GFOD2: variants seen among roughly 807,000 people sequenced by gnomAD.
The protein encoded by GFOD2 is glucose-fructose oxidoreductase domain-containing protein 2.
Under a neutral mutation model 24.6 loss-of-function variants are expected in GFOD2, and 9 were observed. The observed-to-expected ratio is 0.37, with a 90% CI of 0.22 to 0.64. The LOEUF is 0.64. Among genes scored for constraint, GFOD2 ranks in the 30% least tolerant of loss-of-function variants. The pLI is 0.65. For synonymous variants in GFOD2, 211 were observed against 224.8 expected (o/e 0.94, Z 0.55); for missense variants, 476 against 532.5 (o/e 0.89, Z 1.04).
intron 1 of GFOD2, among the ~76,000 whole-genome samples, chr16:67,706,757 C>A (rs1303452420): frequency 6.6e-6 from 1 of 151,960 alleles, no homozygotes. Context: ...AAAATGCAAG[C>A]CACAGGTTGG....
rs150061779 is a variant in GFOD2, at chr16:67,675,315, G to A, written c.998C>T (p.Ser333Phe). Residue 333 changes from serine (S) to phenylalanine (F), a missense_variant, in exon 3 of 3, where the codon TCC becomes TTC. Coordinates refer to ENST00000268797, the MANE Select transcript of GFOD2 (RefSeq NM_030819.4). The part of the protein sequence containing the change: ...DRRTWDRTPV[S>F]MAASFEDGLY... ...CCCATCCTCGAAGGAGGCGGCCATGGAGACAGGGGTGCGGTCCCAGGTGCG... is the reference window on the plus strand; with the variant it reads ...CCCATCCTCGAAGGAGGCGGCCATGAAGACAGGGGTGCGGTCCCAGGTGCG... 448 of 1,613,008 alleles carry A rather than the reference G, an allele frequency of 2.8e-4. 1 individual carries two copies. Among genetic ancestry groups the A allele is most frequent in the Non-Finnish European group, 3.2e-4 (381 of 1,180,026 alleles).
chr16:67,702,305 C>T (rs1013402903), intron 1 of GFOD2, among the ~76,000 whole-genome samples: 4 of 151,986 alleles, frequency 2.6e-5, no homozygotes, highest in Non-Finnish European at 5.9e-5. Flanking sequence ...GAAACACTGT[C>T]TCTGCTAAAA....
intron 2 of GFOD2, chr16:67,682,434 G>A (rs754964145): frequency 7.1e-6 from 7 of 985,286 alleles, no homozygotes; most frequent in Non-Finnish European, 8.4e-6. Flanking sequence ...TTCAACTGTG[G>A]CAAAGATGCT....
intron 1 of GFOD2, among the ~76,000 whole-genome samples, chr16:67,701,218 T>C (rs138643119): frequency 1.3e-5 from 2 of 152,242 alleles, no homozygotes; most frequent in East Asian, 1.9e-4. Flanking sequence ...GCTAAATAGA[T>C]ACCTATCACA....
At chr16:67,683,626 A>C in intron 2 of GFOD2, 1 of 1,231,762 alleles carries the variant, frequency 8.1e-7, no homozygotes, top group South Asian at 4.1e-5. Context: ...ACTTGCTCCA[A>C]ATTGACAACC....
At position 67,679,878 on chromosome 16, in the gene GFOD2, C is replaced by A. The variant is rs185490712; in HGVS notation, c.260-3825G>T. 2.7e-3 allele frequency among the ~76,000 whole-genome samples: 402 copies of A among 150,332 alleles called. 3 individuals carry two copies. Among genetic ancestry groups the A allele is most frequent in the African/African-American group, 9.4e-3 (385 of 40,830 alleles). On this transcript the variant is annotated intron_variant, in intron 2 of 2. Transcript: ENST00000268797. ...CTCCAGCCTGGGCGACAGAGCGAGACTTCGTCTCAAAAAAAAAAAAACAAC... is the reference window on the plus strand; with the variant it reads ...CTCCAGCCTGGGCGACAGAGCGAGAATTCGTCTCAAAAAAAAAAAAACAAC...
chr16:67,715,664 T>C (rs1056645243), intron 1 of GFOD2, among the ~76,000 whole-genome samples: 1 of 152,212 alleles, frequency 6.6e-6, no homozygotes, highest in Non-Finnish European at 1.5e-5. Flanking sequence ...AGTTTGCTAA[T>C]ATAAATCTAC....
intron 1 of GFOD2, among the ~76,000 whole-genome samples, chr16:67,699,230 T>C (rs1469616588): frequency 6.6e-6 from 1 of 151,990 alleles, no homozygotes; most frequent in Non-Finnish European, 1.5e-5. Context: ...TAGTCCCAGC[T>C]ACCCAGGAGG....
chr16:67,690,319 T>G (rs867521060), intron 1 of GFOD2, among the ~76,000 whole-genome samples: 21 of 152,298 alleles, frequency 1.4e-4, no homozygotes, highest in Middle Eastern at 3.4e-3. Context: ...TTTCTCCACG[T>G]CCTCACCAAC....
At position 67,675,992 on chromosome 16, in the gene GFOD2, C is replaced by T; in HGVS notation, c.321G>A (p.Val107=). 1 of 1,614,128 alleles carries T rather than the reference C, an allele frequency of 6.2e-7. No homozygotes were observed. The change falls in exon 3 of 3, where the codon GTG becomes GTA. Residue 107 remains valine (V), a synonymous_variant. Coordinates refer to ENST00000268797, the MANE Select transcript of GFOD2 (RefSeq NM_030819.4). ...AATSVDAFRM[V]TASRYYPQLM... ...GCTGCGGGTAGTAGCGCGAGGCTGT[C>T]ACCATCCGGAAGGCATCCACCGATG... is the stretch of plus-strand genomic sequence containing the variant.
At chr16:67,688,492 T>C (rs1482128370) in intron 1 of GFOD2, among the ~76,000 whole-genome samples, 1 of 152,126 alleles carries the variant, frequency 6.6e-6, no homozygotes, top group Non-Finnish European at 1.5e-5. Context: ...AGTCCTTTGC[T>C]TGGGATCAAT....
rs780151058 is a variant in GFOD2, at chr16:67,675,594, T to C, written c.719A>G (p.Asn240Ser). The part of the protein sequence containing the change: ...GGGVCSTVTL[N>S]FNMPGAFVHE... ...CACAAAGGCGCCTGGCATGTTGAAG[T>C]TGAGTGTCACTGTGCTACACACACC... The change falls in exon 3 of 3, where the codon AAC becomes AGC. Residue 240 changes from asparagine to serine, a missense_variant. Asn to Ser is a conservative substitution (Grantham distance 46). Transcript: ENST00000268797. 1.5e-5 allele frequency: 25 copies of C among 1,613,270 alleles called. No individual in the cohort carries two copies. The highest frequency in any genetic ancestry group is 2.0e-5 in the Non-Finnish European group (24 of 1,180,038).
At chr16:67,687,694 G>A (rs139350282) in intron 1 of GFOD2, among the ~76,000 whole-genome samples, 33 of 151,252 alleles carry the variant, frequency 2.2e-4, no homozygotes, top group African/African-American at 7.0e-4. Flanking sequence ...ATTAGGCTGG[G>A]TGTGGTGGCT....
chr16:67,693,072 G>A (rs906776400), intron 1 of GFOD2, among the ~76,000 whole-genome samples: 2 of 151,840 alleles, frequency 1.3e-5, no homozygotes, highest in African/African-American at 4.8e-5. Context: ...GTTCTAAAAG[G>A]AATCCTTTCT....
At chr16:67,681,510 G>C (rs2053225147) in intron 2 of GFOD2, 1 of 699,402 alleles carries the variant, frequency 1.4e-6, no homozygotes, top group Non-Finnish European at 1.8e-6. Flanking sequence ...CTGGGCTCAA[G>C]CTAACCTCCC....
At chr16:67,706,523 C>T (rs920795499) in intron 1 of GFOD2, among the ~76,000 whole-genome samples, 2 of 151,706 alleles carry the variant, frequency 1.3e-5, no homozygotes, top group African/African-American at 4.8e-5. Context: ...AACCTTAACC[C>T]CTCTCTCTCA....
chr16:67,702,752 G>A (rs1184405408), intron 1 of GFOD2, among the ~76,000 whole-genome samples: 2 of 151,642 alleles, frequency 1.3e-5, no homozygotes, highest in Non-Finnish European at 2.9e-5. Flanking sequence ...GGCATGTGCC[G>A]TGCCTGGCTA....
intron 1 of GFOD2, among the ~76,000 whole-genome samples, chr16:67,718,097 A>C (rs2053519615): frequency 6.6e-6 from 1 of 152,220 alleles, no homozygotes. Flanking sequence ...GAATGAATCT[A>C]GCTTCCCCGA....
At chr16:67,697,630 C>A (rs2053368076) in intron 1 of GFOD2, among the ~76,000 whole-genome samples, 1 of 152,090 alleles carries the variant, frequency 6.6e-6, no homozygotes, top group Non-Finnish European at 1.5e-5. Context: ...CTTCTCTGAG[C>A]CTCTATAAAA....
Sources: gnomAD v4.1 joint callset for allele counts (sites outside exome capture counted in the v4.1 genomes callset) on GRCh38, gnomAD v4.1.1 for gene constraint, MANE v1.5 for transcripts, NCBI Gene and HGNC (gene_info 2026-07-23, HGNC 2026-07-21) for gene names.